Variants in MYO16 observed in about 807,000 individuals in gnomAD.
MYO16 encodes myosin XVI, also known as unconventional myosin-XVI.
Under a neutral mutation model 205.3 loss-of-function variants are expected in MYO16, and 94 were observed. The observed-to-expected ratio is 0.46, with a 90% CI of 0.39 to 0.54. MYO16 has a LOEUF of 0.54. Ranked by LOEUF, MYO16 falls within the 20% of genes least tolerant of loss-of-function variation. The pLI is 0.00. For missense variants in MYO16, 2,315 were observed against 2,387.5 expected (o/e 0.97, Z 0.63); for synonymous variants, 988 against 954.0 (o/e 1.04, Z -0.66).
intron 4 of MYO16, among the ~76,000 whole-genome samples, chr13:108,730,114 C>G (rs1011955879): frequency 6.6e-6 from 1 of 152,194 alleles, no homozygotes; most frequent in Non-Finnish European, 1.5e-5. Flanking sequence ...CATGTCCCCA[C>G]TCCAATCTCA....
chr13:108,621,910 T>G (rs1879557327), intron 1 of MYO16, among the ~76,000 whole-genome samples: 1 of 152,170 alleles, frequency 6.6e-6, no homozygotes, highest in Non-Finnish European at 1.5e-5. Flanking sequence ...AATCTCTAAA[T>G]TAGACTGTGC....
At chr13:108,620,425 G>A (rs1304576718) in intron 1 of MYO16, among the ~76,000 whole-genome samples, 1 of 152,150 alleles carries the variant, frequency 6.6e-6, no homozygotes, top group Non-Finnish European at 1.5e-5. Flanking sequence ...AGGAAGCAGG[G>A]ATGAACCGTA....
At chr13:108,736,643 T>C (rs1181776474) in intron 4 of MYO16, among the ~76,000 whole-genome samples, 4 of 152,220 alleles carry the variant, frequency 2.6e-5, no homozygotes, top group Non-Finnish European at 5.9e-5. Context: ...TTTGGTTCCA[T>C]ATGAACTTTA....
intron 7 of MYO16, among the ~76,000 whole-genome samples, chr13:108,810,918 AC>A (rs1245936014): frequency 2.0e-5 from 3 of 152,208 alleles, no homozygotes; most frequent in Admixed American, 6.5e-5. Context: ...AAATATATTA[AC>A]TTTTGCAATG....
At chr13:108,700,070 T>C (rs1883239420) in intron 2 of MYO16, among the ~76,000 whole-genome samples, 1 of 152,078 alleles carries the variant, frequency 6.6e-6, no homozygotes, top group African/African-American at 2.4e-5. Flanking sequence ...TGGTGGTTCA[T>C]GCCTATAATC....
At position 109,207,600 on chromosome 13, in the gene MYO16, C is replaced by G. The variant is rs1003485375; in HGVS notation, c.*764C>G. On this transcript the variant is annotated 3_prime_UTR_variant, in exon 35 of 35. Coordinates refer to ENST00000457511, the MANE Select transcript of MYO16 (RefSeq NM_001198950.3). ...ATTTCTGGATAAGTGGATTGTGTACCCTTTAGTTAAATTTCACCTCCCGAC... is the reference window on the plus strand; with the variant it reads ...ATTTCTGGATAAGTGGATTGTGTACGCTTTAGTTAAATTTCACCTCCCGAC... 6.6e-6 allele frequency: 1 copy of G among 152,086 alleles called. No individual in the cohort carries two copies. The highest frequency in any genetic ancestry group is 2.4e-5 in the African/African-American group (1 of 41,394). 9.4% of individuals were successfully genotyped at this position (152,086 alleles called of 1,614,324 possible). A position where few individuals can be genotyped will look rare whatever the true frequency, so the allele number is the denominator to read the frequency against.
the MYO16 span, among the ~76,000 whole-genome samples, chr13:108,578,016 T>C: frequency 6.6e-6 from 1 of 152,198 alleles, no homozygotes; most frequent in African/African-American, 2.4e-5. Flanking sequence ...CCTCTTTATG[T>C]TTTGATCAAA....
At chr13:108,761,394 A>G (rs1332033056) in intron 4 of MYO16, among the ~76,000 whole-genome samples, 1 of 152,212 alleles carries the variant, frequency 6.6e-6, no homozygotes, top group Non-Finnish European at 1.5e-5. Flanking sequence ...TCTTACAAAG[A>G]TGGTGTGCCA....
intron 23 of MYO16, among the ~76,000 whole-genome samples, chr13:109,022,095 T>C (rs995256233): frequency 1.4e-5 from 2 of 146,004 alleles, no homozygotes. Context: ...GTATAATATA[T>C]ACATATAAAA....
the MYO16 span, among the ~76,000 whole-genome samples, chr13:108,545,326 G>A: frequency 6.6e-6 from 1 of 152,140 alleles, no homozygotes; most frequent in African/African-American, 2.4e-5. Context: ...TTGCTGCATA[G>A]GACATAATCT....
At chr13:108,562,290 C>A in the MYO16 span, among the ~76,000 whole-genome samples, 2 of 152,152 alleles carry the variant, frequency 1.3e-5, no homozygotes, top group African/African-American at 4.8e-5. Flanking sequence ...ACCTTCATGA[C>A]TTAATCACTT....
intron 12 of MYO16, among the ~76,000 whole-genome samples, chr13:108,876,720 G>C (rs1043286181): frequency 6.8e-6 from 1 of 147,532 alleles, no homozygotes; most frequent in African/African-American, 2.5e-5. Context: ...AGGCTGGAGT[G>C]CAGTGGCACA....
chr13:108,944,320 A>G (rs1291500266), intron 16 of MYO16, among the ~76,000 whole-genome samples: 1 of 152,250 alleles, frequency 6.6e-6, no homozygotes, highest in African/African-American at 2.4e-5. Context: ...TTATTCTTAA[A>G]TAAAACTTTT....
chr13:108,811,114 A>C (rs196178), intron 7 of MYO16, among the ~76,000 whole-genome samples: 1 of 152,054 alleles, frequency 6.6e-6, no homozygotes, highest in Non-Finnish European at 1.5e-5. Flanking sequence ...CCAAAGATAA[A>C]AAAATATTTG....
intron 23 of MYO16, among the ~76,000 whole-genome samples, chr13:109,023,841 A>G (rs937772207): frequency 2.9e-5 from 4 of 136,726 alleles, no homozygotes; most frequent in Non-Finnish European, 6.1e-5. Context: ...TTTATTAGAT[A>G]TTTATATTCA....
At chr13:109,017,484 T>A (rs1412728702) in intron 22 of MYO16, among the ~76,000 whole-genome samples, 2 of 152,172 alleles carry the variant, frequency 1.3e-5, no homozygotes, top group Non-Finnish European at 2.9e-5. Context: ...TGGTGTTCTC[T>A]GTATTTCCTG....
intron 4 of MYO16, among the ~76,000 whole-genome samples, chr13:108,735,129 A>G (rs996847591): frequency 1.8e-4 from 28 of 152,114 alleles, no homozygotes; most frequent in African/African-American, 6.5e-4. Flanking sequence ...ATTTTTTATT[A>G]TACTTTAAGT....
chr13:108,764,199 CTG>C (rs1158105642), intron 4 of MYO16, among the ~76,000 whole-genome samples: 1 of 152,070 alleles, frequency 6.6e-6, no homozygotes, highest in Non-Finnish European at 1.5e-5. Flanking sequence ...ATACATTTTA[CTG>C]TGTGAAACAT....
At chr13:109,008,609 C>T (rs1477762627) in intron 21 of MYO16, among the ~76,000 whole-genome samples, 1 of 108,400 alleles carries the variant, frequency 9.2e-6, no homozygotes, top group Admixed American at 9.1e-5. Flanking sequence ...CTTGTGTATG[C>T]ACTACTGTAC....
Sources: gnomAD v4.1 joint callset for allele counts (sites outside exome capture counted in the v4.1 genomes callset) on GRCh38, gnomAD v4.1.1 for gene constraint, MANE v1.5 for transcripts, NCBI Gene and HGNC (gene_info 2026-07-23, HGNC 2026-07-21) for gene names.